HIVEP2: variants seen among roughly 807,000 people sequenced by gnomAD.
HIVEP2 encodes HIVEP zinc finger 2.
HIVEP2 carries 14 observed loss-of-function variants against 180.7 expected under a neutral mutation model. The observed-to-expected ratio is 0.08, with a 90% CI of 0.05 to 0.12. The LOEUF (loss-of-function observed/expected upper bound fraction) is 0.12. Ranked by LOEUF, HIVEP2 falls within the 10% of genes least tolerant of loss-of-function variation. HIVEP2 has a pLI of 1.00. For missense variants in HIVEP2, 2,579 were observed against 3,008.5 expected (o/e 0.86, Z 3.34); for synonymous variants, 1,184 against 1,136.4 (o/e 1.04, Z -0.84).
rs760597493 is a variant in HIVEP2, at chr6:142,760,264, G to C, written c.6024C>G (p.Asp2008Glu). 2.1e-5 allele frequency: 34 copies of C among 1,613,988 alleles called. No homozygotes were observed. The highest frequency in any genetic ancestry group is 2.6e-5 in the Non-Finnish European group (31 of 1,180,030). The part of the protein sequence containing the change: ...YQRLFQSKST[D>E]SEPDKDRLDI... ...CCAATCTGTCTTTGTCTGGTTCTGA[G>C]TCCGTACTTTTGCTCTGGAATAGCC... The change falls in exon 9 of 10, where the codon GAC becomes GAG. Residue 2008 changes from aspartate (D) to glutamate (E), a missense_variant. Transcript: ENST00000367603.
chr6:142,791,630 A>C (rs1304250984), intron 2 of HIVEP2, among the ~76,000 whole-genome samples: 1 of 152,228 alleles, frequency 6.6e-6, no homozygotes, highest in African/African-American at 2.4e-5. Flanking sequence ...TTTTTTCCAA[A>C]GCTCATATAT....
intron 3 of HIVEP2, among the ~76,000 whole-genome samples, chr6:142,781,363 C>T (rs1775856323): frequency 6.6e-6 from 1 of 152,316 alleles, no homozygotes; most frequent in African/African-American, 2.4e-5. Flanking sequence ...TTTTGGCACC[C>T]ACTGCCAACA....
rs1206269683 is a variant in HIVEP2 at position 142,913,745 on chromosome 6, A to G, written c.-641+31354T>C. Among the ~76,000 whole-genome samples, 3 of 152,240 alleles carry G rather than the reference A, an allele frequency of 2.0e-5. No individual in the cohort carries two copies. In the East Asian group the frequency reaches 5.8e-4, roughly 29 times the overall value. ...AAACTTAGAACAGGGCCAAAGATGC[A>G]TCACTTTCCACAAGAAAAGTCACCC... is the stretch of plus-strand genomic sequence containing the variant. On this transcript the variant is annotated intron_variant, in intron 1 of 9. Coordinates refer to ENST00000367603, the MANE Select transcript of HIVEP2 (RefSeq NM_006734.4).
intron 5 of HIVEP2, among the ~76,000 whole-genome samples, chr6:142,768,770 T>C (rs1775441801): frequency 6.6e-6 from 1 of 151,416 alleles, no homozygotes; most frequent in South Asian, 2.1e-4. Flanking sequence ...ATATTATATA[T>C]AAAAATATAT....
chr6:142,799,907 G>A (rs868153664), intron 2 of HIVEP2, among the ~76,000 whole-genome samples: 3 of 152,238 alleles, frequency 2.0e-5, no homozygotes, highest in Non-Finnish European at 4.4e-5. Context: ...GCTCATTTGT[G>A]CATGAAAAGC....
chr6:142,875,858 G>A (rs576555132), intron 1 of HIVEP2, among the ~76,000 whole-genome samples: 3 of 152,092 alleles, frequency 2.0e-5, no homozygotes, highest in Non-Finnish European at 4.4e-5. Context: ...CATGGATTTA[G>A]GAGGAATACA....
intron 2 of HIVEP2, among the ~76,000 whole-genome samples, chr6:142,817,016 C>G (rs1776859588): frequency 1.3e-5 from 2 of 152,054 alleles, no homozygotes; most frequent in African/African-American, 4.8e-5. Context: ...TCGACTTGAA[C>G]TGTATTAGCA....
At chr6:142,878,406 T>C in intron 1 of HIVEP2, among the ~76,000 whole-genome samples, 1 of 152,184 alleles carries the variant, frequency 6.6e-6, no homozygotes, top group Non-Finnish European at 1.5e-5. Context: ...AGATAACAAC[T>C]GAGAATACAT....
In HIVEP2 at chr6:142,772,526, A is replaced by T. The variant is rs369086405; in HGVS notation, c.2213T>A (p.Val738Asp). The stretch of plus-strand genomic sequence containing the variant: ...TCCAGCCATGGCAAATCCACTCCTG[A>T]CTCCTTCCTGCATCTGCAGTTTGGG... ...YDPKLQMQEG[V>D]RSGFAMAGHE... The change falls in exon 5 of 10, where the codon GTC (valine) becomes GAC (aspartate). Residue 738 changes from valine (V) to aspartate (D), a missense_variant. Physicochemically the swap from Val to Asp is radical, Grantham distance 152 (BLOSUM62 -3). This residue lies in a region of HIVEP2 where 524 missense variants were observed against 563.6 expected (regional missense o/e 0.93). Transcript: ENST00000367603. The surrounding 1 kb of genome is among the most constrained non-coding windows in gnomAD (Gnocchi z 4.9). 11 of 1,613,820 alleles carry T rather than the reference A, an allele frequency of 6.8e-6. No individual in the cohort carries two copies. The highest frequency in any genetic ancestry group is 8.5e-6 in the Non-Finnish European group (10 of 1,179,978).
intron 2 of HIVEP2, among the ~76,000 whole-genome samples, chr6:142,829,501 A>G (rs1485170522): frequency 6.6e-6 from 1 of 152,250 alleles, no homozygotes; most frequent in Non-Finnish European, 1.5e-5. Flanking sequence ...TTTTATTTAT[A>G]CATCTCTGAG....
intron 1 of HIVEP2, among the ~76,000 whole-genome samples, chr6:142,932,076 C>T (rs1425314658): frequency 1.3e-5 from 2 of 152,152 alleles, no homozygotes; most frequent in East Asian, 1.9e-4. Context: ...CAGTACTTCA[C>T]GTGTGCCTCT....
At chr6:142,825,822 T>A (rs1774880229) in intron 2 of HIVEP2, among the ~76,000 whole-genome samples, 1 of 152,186 alleles carries the variant, frequency 6.6e-6, no homozygotes, top group Non-Finnish European at 1.5e-5. Flanking sequence ...CAATAATGAA[T>A]TTAATTAATT....
chr6:142,780,867 T>C (rs1775841998), intron 3 of HIVEP2, among the ~76,000 whole-genome samples: 1 of 152,238 alleles, frequency 6.6e-6, no homozygotes, highest in Non-Finnish European at 1.5e-5. Flanking sequence ...GTGACACTTT[T>C]ACTAAGCAAC....
Position 142,771,685 on chromosome 6 carries a change from G to T in HIVEP2, c.3054C>A (p.Val1018=), listed in dbSNP as rs768146791. 1 of 1,614,174 alleles carries T rather than the reference G, an allele frequency of 6.2e-7. No homozygotes were observed. ...TVPAGSYSLS[V]PGHHHQKEMR... is the part of the protein sequence containing the mutation. ...TCTCTTTCTGGTGGTGATGGCCTGG[G>T]ACAGACAATGAGTATGAACCAGCAG... is the stretch of plus-strand genomic sequence containing the variant. Residue 1018 remains valine, a synonymous_variant, in exon 5 of 10, where the codon GTC becomes GTA. Transcript: ENST00000367603. This position sits in a 1 kb window ranked among gnomAD's most constrained non-coding sequence, Gnocchi z 5.4.
Position 142,774,952 on chromosome 6 carries a change from T to C in HIVEP2, c.-214A>G. The C allele has an allele frequency of 7.3e-7, 1 of 1,364,002 alleles. No individual in the cohort carries two copies. Among genetic ancestry groups the C allele is most frequent in the Non-Finnish European group, 9.4e-7 (1 of 1,061,818 alleles). 84.5% of individuals were successfully genotyped at this position (1,364,002 alleles called of 1,614,324 possible). A position where few individuals can be genotyped will look rare whatever the true frequency, so the allele number is the denominator to read the frequency against. ...TCCTTGGACCAGGGCTATAACACAG[T>C]TCTCTCCATTGTAGAAACGTCCATC... On this transcript the variant is annotated 5_prime_UTR_variant, in exon 5 of 10. Coordinates refer to ENST00000367603, the MANE Select transcript of HIVEP2 (RefSeq NM_006734.4). The surrounding 1 kb of genome is among the most constrained non-coding windows in gnomAD (Gnocchi z 5.1).
chr6:142,772,188 C>T lies in HIVEP2; in HGVS notation c.2551G>A (p.Ala851Thr). The T allele has an allele frequency of 1.9e-6, 3 of 1,614,182 alleles. No individual in the cohort carries two copies. Among genetic ancestry groups the T allele is most frequent in the Non-Finnish European group, 1.7e-6 (2 of 1,180,032 alleles). The change falls in exon 5 of 10, where the codon GCT becomes ACT. Residue 851 changes from alanine to threonine, a missense_variant. Physicochemically the swap from Ala to Thr is moderately conservative, Grantham distance 58 (BLOSUM62 0). Coordinates refer to ENST00000367603, the MANE Select transcript of HIVEP2 (RefSeq NM_006734.4). The surrounding 1 kb of genome is among the most constrained non-coding windows in gnomAD (Gnocchi z 4.9). ...ISEAPVSPEWAPPGDGAESGG... is the reference protein window; with the variant it reads ...ISEAPVSPEWTPPGDGAESGG... ...CTTTCTGCACCATCCCCAGGTGGAG[C>T]CCACTCAGGACTCACTGGGGCTTCT...
Position 142,760,324 on chromosome 6 carries a change from A to G in HIVEP2, c.5964T>C (p.Asp1988=). 6.2e-7 allele frequency: 1 copy of G among 1,614,124 alleles called. No individual in the cohort carries two copies. Among genetic ancestry groups the G allele is most frequent in the Admixed American group, 1.7e-5 (1 of 60,022 alleles). The change falls in exon 9 of 10, where the codon GAT becomes GAC. Residue 1988 remains aspartate, a synonymous_variant. Transcript: ENST00000367603. ...CTGTCATCTGGGTATCTTCACATGA[A>G]TCACTGGGTGTCATAAGCTGAGTAA... ...IRVTQLMTPS[D]SCEDTQMTEY... is the part of the protein sequence containing the mutation.
intron 1 of HIVEP2, among the ~76,000 whole-genome samples, chr6:142,906,820 A>G (rs1466979928): frequency 6.6e-6 from 1 of 152,234 alleles, no homozygotes; most frequent in African/African-American, 2.4e-5. Flanking sequence ...AGATCAAAGA[A>G]TATACAAGGA....
intron 7 of HIVEP2, among the ~76,000 whole-genome samples, chr6:142,763,021 C>G (rs567159182): frequency 6.6e-6 from 1 of 152,066 alleles, no homozygotes; most frequent in African/African-American, 2.4e-5. Context: ...AGTGCAAGTA[C>G]GCTATGGATG....
Sources: allele counts gnomAD v4.1 joint callset (sites outside exome capture counted in the v4.1 genomes callset), GRCh38; gene constraint gnomAD v4.1.1; regional missense constraint gnomAD v4.1.1; non-coding constraint Gnocchi (gnomAD v3.1); transcripts MANE v1.5; gene names NCBI Gene and HGNC (gene_info 2026-07-23, HGNC 2026-07-21).